The following C8orf34 variants were observed in gnomAD, a reference collection of about 807,000 sequenced individuals.
C8orf34 encodes the protein chromosome 8 open reading frame 34, also known as uncharacterized protein C8orf34.
C8orf34 carries 65 observed loss-of-function variants against 68.3 expected under a neutral mutation model. The observed-to-expected ratio is 0.95, with a 90% CI of 0.78 to 1.17. The LOEUF (loss-of-function observed/expected upper bound fraction) is 1.17. Ranked by LOEUF, C8orf34 falls within the 50% of genes most tolerant of loss-of-function variation. The pLI, the probability that C8orf34 is intolerant of heterozygous loss-of-function variation, is 0.00. For missense variants in C8orf34, 664 were observed against 655.4 expected (o/e 1.01, Z -0.14); for synonymous variants, 244 against 241.2 (o/e 1.01, Z -0.11).
intron 1 of C8orf34, among the ~76,000 whole-genome samples, chr8:68,431,032 G>A (rs1300882760): frequency 6.6e-6 from 1 of 152,120 alleles, no homozygotes; most frequent in Non-Finnish European, 1.5e-5. Flanking sequence ...TAAAATGGAG[G>A]CTCAGAGAAC....
chr8:68,686,068 C>T (rs1244742171), intron 8 of C8orf34, among the ~76,000 whole-genome samples: 1 of 151,686 alleles, frequency 6.6e-6, no homozygotes, highest in East Asian at 1.9e-4. Flanking sequence ...ACATACAACC[C>T]TCCTAGATTA....
intron 12 of C8orf34, among the ~76,000 whole-genome samples, chr8:68,810,990 C>G (rs2129529933): frequency 6.6e-6 from 1 of 152,298 alleles, no homozygotes; most frequent in Non-Finnish European, 1.5e-5. Context: ...AAAGGTAGAG[C>G]TTTACTGGGG....
chr8:68,579,920 C>T (rs72666710), intron 7 of C8orf34, among the ~76,000 whole-genome samples: 240 of 152,278 alleles, frequency 1.6e-3, no homozygotes, highest in Non-Finnish European at 2.9e-3. Context: ...GTAATCTCTA[C>T]TCTAGATTCA....
At chr8:68,666,747 T>G (rs1819854117) in intron 8 of C8orf34, among the ~76,000 whole-genome samples, 1 of 152,216 alleles carries the variant, frequency 6.6e-6, no homozygotes, top group Non-Finnish European at 1.5e-5. Flanking sequence ...ATTATATTTT[T>G]GTTTACATAC....
chr8:68,588,950 G>A (rs1225342788), intron 7 of C8orf34, among the ~76,000 whole-genome samples: 1 of 152,136 alleles, frequency 6.6e-6, no homozygotes, highest in African/African-American at 2.4e-5. Context: ...AGTAGCCACA[G>A]ACAGTATGTA....
intron 7 of C8orf34, among the ~76,000 whole-genome samples, chr8:68,565,991 C>G (rs1816576790): frequency 6.6e-6 from 1 of 152,160 alleles, no homozygotes; most frequent in Admixed American, 6.5e-5. Flanking sequence ...AAGAGTTTTA[C>G]TCAAGATGCT....
At chr8:68,776,114 A>G (rs1055860453) in intron 10 of C8orf34, among the ~76,000 whole-genome samples, 4 of 152,242 alleles carry the variant, frequency 2.6e-5, no homozygotes, top group Non-Finnish European at 5.9e-5. Context: ...ATGTTTACCT[A>G]TGTAACAAAC....
intron 8 of C8orf34, among the ~76,000 whole-genome samples, chr8:68,662,473 G>A (rs752763373): frequency 6.6e-6 from 1 of 152,066 alleles, no homozygotes; most frequent in Non-Finnish European, 1.5e-5. Context: ...TGAATCATGG[G>A]GGAAGTTTCC....
At chr8:68,591,630 C>CT (rs1563548685) in intron 7 of C8orf34, among the ~76,000 whole-genome samples, 1 of 152,192 alleles carries the variant, frequency 6.6e-6, no homozygotes, top group Non-Finnish European at 1.5e-5. Flanking sequence ...GACTAAAACT[C>CT]TATCTCGTTC....
chr8:68,330,980 G>A lies in C8orf34; in HGVS notation c.-33G>A. 7.3e-7 allele frequency: 1 copy of A among 1,365,048 alleles called. No individual in the cohort carries two copies. Among genetic ancestry groups the A allele is most frequent in the Non-Finnish European group, 9.4e-7 (1 of 1,063,236 alleles). The allele number at this position is 1,365,048 out of a possible 1,614,324, so 84.6% of individuals were successfully genotyped here. On this transcript the variant is annotated 5_prime_UTR_variant, in exon 1 of 14. Coordinates refer to ENST00000518698, the MANE Select transcript of C8orf34 (RefSeq NM_052958.4). ...ACTGCGCCGGGCGCTGCGGAGAGCG[G>A]CGAGGGTGGGCGCGAGGCGGAGAAC...
At chr8:68,402,333 T>C (rs1277183750) in intron 1 of C8orf34, among the ~76,000 whole-genome samples, 3 of 152,126 alleles carry the variant, frequency 2.0e-5, no homozygotes, top group African/African-American at 7.2e-5. Context: ...GTTTGTCAAT[T>C]TTGTTTATCT....
chr8:68,729,527 G>A (rs1292016068), intron 10 of C8orf34, among the ~76,000 whole-genome samples: 1 of 151,938 alleles, frequency 6.6e-6, no homozygotes, highest in African/African-American at 2.4e-5. Context: ...TTCCTCTATC[G>A]CATTTCTTCT....
At chr8:68,676,344 A>T (rs1306492261) in intron 8 of C8orf34, among the ~76,000 whole-genome samples, 1 of 152,140 alleles carries the variant, frequency 6.6e-6, no homozygotes, top group Non-Finnish European at 1.5e-5. Flanking sequence ...AAAAGAAAAA[A>T]AAAATGCACC....
At chr8:68,798,186 G>C (rs1824233266) in intron 12 of C8orf34, among the ~76,000 whole-genome samples, 1 of 151,218 alleles carries the variant, frequency 6.6e-6, no homozygotes, top group African/African-American at 2.4e-5. Context: ...ACAAGGTCTT[G>C]CTATGTTGCC....
At chr8:68,613,217 G>A (rs963781005) in intron 7 of C8orf34, among the ~76,000 whole-genome samples, 4 of 152,106 alleles carry the variant, frequency 2.6e-5, no homozygotes, top group Admixed American at 6.6e-5. Context: ...ACAGTAATGG[G>A]AATTCTTGCC....
chr8:68,802,828 C>T (rs1021452763), intron 12 of C8orf34, among the ~76,000 whole-genome samples: 1 of 152,062 alleles, frequency 6.6e-6, no homozygotes, highest in Non-Finnish European at 1.5e-5. Context: ...TTAAATAATA[C>T]CATGAAGAAT....
intron 7 of C8orf34, among the ~76,000 whole-genome samples, chr8:68,549,555 C>T (rs1563523767): frequency 6.6e-6 from 1 of 151,548 alleles, no homozygotes; most frequent in African/African-American, 2.4e-5. Context: ...TTTCACTGCA[C>T]ATTTTACTTC....
rs183849654 is a variant in C8orf34 at position 68,688,167 on chromosome 8, A to G, written c.1242-20827A>G. ...GATGTGATGAAAAGGGAACAGTTAC[A>G]CTGCTGGCAGGAATGTAAATTACTA... On this transcript the variant is annotated intron_variant, in intron 8 of 13. Transcript: ENST00000518698. Among the ~76,000 whole-genome samples the G allele has an allele frequency of 3.9e-5, 6 of 152,276 alleles. No individual in the cohort carries two copies. The East Asian group carries it at 1.2e-3, about 29-fold the overall frequency.
intron 5 of C8orf34, among the ~76,000 whole-genome samples, chr8:68,520,472 A>C (rs566092531): frequency 6.6e-6 from 1 of 152,104 alleles, no homozygotes; most frequent in Non-Finnish European, 1.5e-5. Flanking sequence ...TATTTTTAAG[A>C]CGCAGTCTTG....
Sources: allele counts gnomAD v4.1 joint callset (sites outside exome capture counted in the v4.1 genomes callset), GRCh38; gene constraint gnomAD v4.1.1; transcripts MANE v1.5; gene names NCBI Gene and HGNC (gene_info 2026-07-23, HGNC 2026-07-21).